CSMD1: variants seen among roughly 807,000 people sequenced by gnomAD.
The protein encoded by CSMD1 is CUB and Sushi multiple domains 1.
In CSMD1, 213 loss-of-function variants were observed where a neutral mutation model predicts 417.5. The ratio of observed to expected loss-of-function variants is 0.51; its 90% CI spans 0.46 to 0.57. The LOEUF (loss-of-function observed/expected upper bound fraction) is 0.57, where lower values mean the gene tolerates loss of function less well. Ranked by LOEUF, CSMD1 falls within the 20% of genes least tolerant of loss-of-function variation. The pLI is 0.00. For synonymous variants in CSMD1, 2,862 were observed against 1,736.8 expected (o/e 1.65, Z -16.11); for missense variants, 6,923 against 4,529.7 (o/e 1.53, Z -15.17).
At chr8:4,035,330 A>T (rs1023517601) in intron 3 of CSMD1, among the ~76,000 whole-genome samples, 1 of 152,182 alleles carries the variant, frequency 6.6e-6, no homozygotes, top group Admixed American at 6.5e-5. Context: ...AACAACTGTC[A>T]CTGGTTTTTC....
chr8:4,672,765 G>A (rs534481241), intron 1 of CSMD1, among the ~76,000 whole-genome samples: 15 of 152,010 alleles, frequency 9.9e-5, no homozygotes, highest in African/African-American at 3.4e-4. Context: ...CCAGTCACAT[G>A]CATACATGGT....
intron 5 of CSMD1, among the ~76,000 whole-genome samples, chr8:3,834,590 T>C (rs1481966135): frequency 6.6e-6 from 1 of 152,178 alleles, no homozygotes; most frequent in African/African-American, 2.4e-5. Flanking sequence ...AATATATAAA[T>C]GTAACAAATG....
intron 57 of CSMD1, among the ~76,000 whole-genome samples, chr8:2,968,572 G>C (rs1804171611): frequency 6.6e-6 from 1 of 152,142 alleles, no homozygotes; most frequent in African/African-American, 2.4e-5. Context: ...TAAAATTCAT[G>C]ATTAGTTTTT....
intron 53 of CSMD1, among the ~76,000 whole-genome samples, chr8:2,999,290 G>T (rs942669483): frequency 1.3e-5 from 2 of 151,658 alleles, no homozygotes; most frequent in Non-Finnish European, 2.9e-5. Flanking sequence ...CTAGTAGCTG[G>T]GATTACAGAT....
intron 3 of CSMD1, among the ~76,000 whole-genome samples, chr8:4,142,860 T>C (rs1201141631): frequency 6.6e-6 from 1 of 151,154 alleles, no homozygotes; most frequent in Non-Finnish European, 1.5e-5. Flanking sequence ...GTTTCTAATA[T>C]CATCATTTGA....
At chr8:3,030,382 T>C (rs13258764) in intron 50 of CSMD1, among the ~76,000 whole-genome samples, 30,372 of 151,866 alleles carry the variant, frequency 0.2, 3,810 homozygotes, top group Non-Finnish European at 0.27. Flanking sequence ...ACCAAGAAAA[T>C]TGATCAAATT....
chr8:3,231,411 T>C (rs1045962347), intron 26 of CSMD1, among the ~76,000 whole-genome samples: 1 of 152,198 alleles, frequency 6.6e-6, no homozygotes, highest in Non-Finnish European at 1.5e-5. Flanking sequence ...ATACATACCA[T>C]CACACTGTCC....
intron 25 of CSMD1, among the ~76,000 whole-genome samples, chr8:3,287,847 G>C: frequency 6.7e-6 from 1 of 149,830 alleles, no homozygotes; most frequent in East Asian, 1.9e-4. Context: ...ATGTTGAATA[G>C]GACTGGTGAG....
intron 3 of CSMD1, among the ~76,000 whole-genome samples, chr8:4,398,890 A>C (rs1228230773): frequency 1.3e-5 from 2 of 152,194 alleles, no homozygotes; most frequent in African/African-American, 2.4e-5. Flanking sequence ...TTCTCAATAA[A>C]AAATAAAAGT....
intron 3 of CSMD1, among the ~76,000 whole-genome samples, chr8:4,214,542 T>C (rs752711174): frequency 6.6e-6 from 1 of 152,170 alleles, no homozygotes; most frequent in Non-Finnish European, 1.5e-5. Context: ...ATGCAGTCTG[T>C]CTGACTTGGC....
chr8:4,108,896 G>C (rs1029652468), intron 3 of CSMD1, among the ~76,000 whole-genome samples: 6 of 152,152 alleles, frequency 3.9e-5, no homozygotes, highest in African/African-American at 1.4e-4. Context: ...GAAACAGCCA[G>C]AAATCATTTA....
At chr8:4,681,541 C>T (rs1806052963) in intron 1 of CSMD1, among the ~76,000 whole-genome samples, 1 of 152,100 alleles carries the variant, frequency 6.6e-6, no homozygotes, top group Admixed American at 6.6e-5. Flanking sequence ...GTTGTTTACG[C>T]CAATGTTAGT....
At chr8:3,643,774 T>G (rs936073763) in intron 7 of CSMD1, among the ~76,000 whole-genome samples, 1 of 151,326 alleles carries the variant, frequency 6.6e-6, no homozygotes, top group African/African-American at 2.4e-5. Context: ...CTAGAGTCAT[T>G]GTTCACCCAC....
intron 21 of CSMD1, among the ~76,000 whole-genome samples, chr8:3,353,186 T>C (rs1563302268): frequency 6.6e-6 from 1 of 152,244 alleles, no homozygotes; most frequent in Non-Finnish European, 1.5e-5. Flanking sequence ...TCCAAGAGGA[T>C]AGGAAAGTGT....
chr8:3,876,408 T>A (rs1470315057), intron 5 of CSMD1, among the ~76,000 whole-genome samples: 1 of 152,206 alleles, frequency 6.6e-6, no homozygotes, highest in Non-Finnish European at 1.5e-5. Flanking sequence ...TTCTAAAGAA[T>A]TCTGCACTTA....
At chr8:4,342,918 A>G (rs13273281) in intron 3 of CSMD1, among the ~76,000 whole-genome samples, 18,377 of 152,042 alleles carry the variant, frequency 0.12, 1,586 homozygotes, top group African/African-American at 0.23. Context: ...AGAGAATTCC[A>G]AGATATGCTG....
At chr8:4,647,963 T>A (rs1803643520) in intron 1 of CSMD1, among the ~76,000 whole-genome samples, 1 of 152,230 alleles carries the variant, frequency 6.6e-6, no homozygotes, top group Admixed American at 6.5e-5. Context: ...ATGGTATTTC[T>A]GGTTCTAGAT....
intron 3 of CSMD1, among the ~76,000 whole-genome samples, chr8:4,093,712 G>C (rs1313735961): frequency 1.3e-5 from 2 of 152,136 alleles, no homozygotes; most frequent in Admixed American, 1.3e-4. Context: ...TGTAATTTCG[G>C]CACTTTGGGA....
chr8:3,840,959 G>A (rs7003534), intron 5 of CSMD1, among the ~76,000 whole-genome samples: 14,599 of 151,850 alleles, frequency 0.096, 891 homozygotes, highest in African/African-American at 0.16. Context: ...CTCCTGCCTC[G>A]GCCTCCCAAA....
Sources: gnomAD v4.1 joint callset for allele counts (sites outside exome capture counted in the v4.1 genomes callset) on GRCh38, gnomAD v4.1.1 for gene constraint, MANE v1.5 for transcripts, NCBI Gene and HGNC (gene_info 2026-07-23, HGNC 2026-07-21) for gene names.